LCORL: variants seen among roughly 807,000 people sequenced by gnomAD.
The protein encoded by LCORL is ligand-dependent nuclear receptor corepressor-like protein.
A neutral mutation model predicts 141.8 loss-of-function variants in LCORL; 41 were observed. That is an observed-to-expected ratio of 0.29 (90% CI 0.23 to 0.38). LCORL has a LOEUF of 0.38. Among genes scored for constraint, LCORL ranks in the 10% least tolerant of loss-of-function variants. The pLI is 1.00. For missense variants in LCORL, 1,759 were observed against 2,035.0 expected (o/e 0.86, Z 2.61); for synonymous variants, 618 against 694.1 (o/e 0.89, Z 1.72).
exon 7 of LCORL, chr4:17,876,257 A>C (rs533074551): frequency 1.7e-4 from 208 of 1,231,012 alleles, no homozygotes; most frequent in Non-Finnish European, 2.0e-4. Context: ...AATCCACTGT[A>C]GGCATGCAGT....
chr4:17,852,939 T>C (rs1723930941), intron 7 of LCORL, among the ~76,000 whole-genome samples: 1 of 152,090 alleles, frequency 6.6e-6, no homozygotes, highest in South Asian at 2.1e-4. Context: ...TAAACTTGAA[T>C]GTTACCTAGC....
chr4:17,899,149 GA>G (rs908807685), intron 5 of LCORL, among the ~76,000 whole-genome samples: 1 of 151,986 alleles, frequency 6.6e-6, no homozygotes, highest in Admixed American at 6.6e-5. Context: ...TCAATTTTTT[GA>G]AACTCTTAAT....
At chr4:17,875,509 C>T (rs542442068) in exon 7 of LCORL, 486 of 1,231,150 alleles carry the variant, frequency 3.9e-4, no homozygotes, top group Middle Eastern at 2.8e-3. Context: ...CTTATGTTTA[C>T]CCTTCCTTCA....
intron 1 of LCORL, among the ~76,000 whole-genome samples, chr4:17,973,169 T>C (rs915982208): frequency 6.6e-6 from 1 of 151,864 alleles, no homozygotes; most frequent in Non-Finnish European, 1.5e-5. Flanking sequence ...TAAAATATTA[T>C]GGGCAGATTT....
intron 1 of LCORL, among the ~76,000 whole-genome samples, chr4:18,018,283 A>T (rs760170246): frequency 6.6e-6 from 1 of 152,186 alleles, no homozygotes; most frequent in Admixed American, 6.5e-5. Flanking sequence ...AGTTAGTACT[A>T]GGATACTATT....
At chr4:17,916,641 G>GTT (rs1733464249) in intron 4 of LCORL, among the ~76,000 whole-genome samples, 1 of 135,382 alleles carries the variant, frequency 7.4e-6, no homozygotes, top group South Asian at 2.5e-4. Flanking sequence ...CCAATTAAAT[G>GTT]TCTTTTTTTT....
chr4:17,962,829 A>C (rs1359195059), intron 3 of LCORL, 141 bp downstream of exon 3: 3 of 428,928 alleles, frequency 7.0e-6, no homozygotes, highest in Non-Finnish European at 1.3e-5. Context: ...TATGACTTTA[A>C]AATATTATTT....
intron 4 of LCORL, among the ~76,000 whole-genome samples, chr4:17,918,010 T>C (rs1032907503): frequency 1.3e-5 from 2 of 152,090 alleles, no homozygotes; most frequent in African/African-American, 4.8e-5. Flanking sequence ...ATTCTCAGCC[T>C]TCCTCCTCAA....
rs1489930849 is a variant in LCORL, at chr4:17,998,464, T to C, written c.154+23134A>G. On this transcript the variant is annotated intron_variant, in intron 1 of 7. Transcript: ENST00000635767. ...TTTTTTAAAACTTTTTAACCTTTTT[T>C]GTTAAAAACTAAGACACAAATACAC... 3.3e-5 allele frequency among the ~76,000 whole-genome samples: 5 copies of C among 152,132 alleles called. 1 individual carries two copies. The South Asian group carries it at 1.0e-3, about 32-fold the overall frequency.
At chr4:17,961,028 A>C (rs1191140883) in intron 4 of LCORL, among the ~76,000 whole-genome samples, 1 of 152,180 alleles carries the variant, frequency 6.6e-6, no homozygotes, top group Non-Finnish European at 1.5e-5. Context: ...TATTGATTTA[A>C]ACATGAAAGT....
chr4:17,939,405 T>A (rs1367968366), intron 4 of LCORL, among the ~76,000 whole-genome samples: 1 of 152,144 alleles, frequency 6.6e-6, no homozygotes, highest in East Asian at 1.9e-4. Flanking sequence ...TATAAATAGG[T>A]TTTATGTTTT....
intron 4 of LCORL, among the ~76,000 whole-genome samples, chr4:17,913,223 C>T (rs1732862163): frequency 6.6e-6 from 1 of 152,180 alleles, no homozygotes; most frequent in Non-Finnish European, 1.5e-5. Context: ...CGTTAGCTTA[C>T]ACAATTCTGA....
rs1307139513 is a variant in LCORL at position 17,885,714 on chromosome 4, GTTCA to G, written c.776+350_776+353del. Among the ~76,000 whole-genome samples the G allele has an allele frequency of 1.1e-4, 17 of 151,946 alleles. No homozygotes were observed. The East Asian group carries it at 1.5e-3, about 14-fold the overall frequency. On this transcript the variant is annotated intron_variant, in intron 6 of 7. Coordinates refer to ENST00000635767, the Ensembl canonical transcript of LCORL. ...AGTAAGTACAGTGCTTTTGGAATTT[GTTCA>G]TTGTTTTAAAAAATTAATAAATTAC...
intron 5 of LCORL, among the ~76,000 whole-genome samples, chr4:17,904,395 T>C (rs1731313866): frequency 6.6e-6 from 1 of 152,142 alleles, no homozygotes; most frequent in South Asian, 2.1e-4. Flanking sequence ...TCAGTGACTT[T>C]ATACTTAAGT....
At chr4:17,896,947 C>A (rs1196229719) in intron 5 of LCORL, among the ~76,000 whole-genome samples, 4 of 151,942 alleles carry the variant, frequency 2.6e-5, no homozygotes, top group Admixed American at 6.6e-5. Flanking sequence ...ATTTTTAGCT[C>A]CCACAAGTAG....
At chr4:17,881,722 A>G in intron 6 of LCORL, 1 of 951,982 alleles carries the variant, frequency 1.1e-6, no homozygotes, top group Non-Finnish European at 1.3e-6. Flanking sequence ...AGGAATAAAA[A>G]AGCTCAATAC....
intron 7 of LCORL, among the ~76,000 whole-genome samples, chr4:17,866,647 A>G (rs1560267714): frequency 6.7e-6 from 1 of 149,592 alleles, no homozygotes; most frequent in Non-Finnish European, 1.5e-5. Flanking sequence ...CACAAACAAG[A>G]AAAAAAAAAG....
At chr4:17,851,165 T>G (rs1165021065) in intron 7 of LCORL, among the ~76,000 whole-genome samples, 2 of 147,350 alleles carry the variant, frequency 1.4e-5, no homozygotes, top group African/African-American at 5.0e-5. Context: ...CTTTAGGAGA[T>G]ATACCTAATG....
exon 7 of LCORL, chr4:17,876,476 C>T (rs1726935840): frequency 1.6e-6 from 2 of 1,230,828 alleles, no homozygotes; most frequent in Non-Finnish European, 2.0e-6. Context: ...CTTCCAAACG[C>T]TTCACAACCA....
Sources: gnomAD v4.1 joint callset for allele counts (sites outside exome capture counted in the v4.1 genomes callset) on GRCh38, gnomAD v4.1.1 for gene constraint, MANE v1.5 for transcripts, NCBI Gene and HGNC (gene_info 2026-07-23, HGNC 2026-07-21) for gene names.